Variants in NEDD1 observed in about 807,000 individuals in gnomAD.
NEDD1 encodes the protein NEDD1 gamma-tubulin ring complex targeting factor.
In NEDD1, 33 loss-of-function variants were observed where a neutral mutation model predicts 74.0. The ratio of observed to expected loss-of-function variants is 0.45; its 90% CI spans 0.34 to 0.60. NEDD1 has a LOEUF of 0.60. Among genes scored for constraint, NEDD1 ranks in the 20% least tolerant of loss-of-function variants. NEDD1 has a pLI of 0.01. For missense variants in NEDD1, 746 were observed against 776.5 expected, an observed-to-expected ratio of 0.96 and a Z score of 0.47; for synonymous variants, 250 against 264.4, an observed-to-expected ratio of 0.95 and a Z score of 0.53.
chr12:96,943,564 T>C lies in NEDD1; in HGVS notation c.1299T>C (p.Phe433=). ...TGCAGTTTTTCCCTTTTCCAGGCTT[T>C]GACTTTCTACCGCAGTTGAACTCAG... The part of the protein sequence containing the change: ...SDESIGKGDG[F]DFLPQLNSVF... Residue 433 remains phenylalanine (F), a synonymous_variant, in exon 12 of 16, where the codon TTT becomes TTC. Coordinates refer to ENST00000266742, the MANE Select transcript of NEDD1 (RefSeq NM_152905.4). 1 of 1,612,086 alleles carries C rather than the reference T, an allele frequency of 6.2e-7. No homozygotes were observed. Among genetic ancestry groups the C allele is most frequent in the East Asian group, 2.2e-5 (1 of 44,844 alleles).
At chr12:96,942,463 T>C in intron 10 of NEDD1, 114 bp from the exon 11 acceptor site, 1 of 669,498 alleles carries the variant, frequency 1.5e-6, no homozygotes, top group East Asian at 2.5e-5. Flanking sequence ...ATCACTCATA[T>C]TTAGCTTTTT....
At chr12:96,926,647 GT>G (rs768651469) in intron 6 of NEDD1, among the ~76,000 whole-genome samples, 10 of 149,742 alleles carry the variant, frequency 6.7e-5, no homozygotes, top group Non-Finnish European at 1.5e-4. Flanking sequence ...CTTAATGAAT[GT>G]TTATTAATTA....
rs1592920699 is a variant in NEDD1, at chr12:96,940,417, C to T, written c.1126C>T (p.Arg376Ter). The part of the protein sequence containing the change: ...VAVQEKAGLP[R>*]SINTDTLSKE... ...TATCTAATTCCTATAAGGTTTGCCT[C>T]GAAGCATAAACACAGACACTTTATC... The change falls in exon 10 of 16, where the codon CGA (arginine) becomes TGA (stop). Residue 376 changes from arginine to a stop codon, truncating the protein, a stop_gained. Coordinates refer to ENST00000266742, the MANE Select transcript of NEDD1 (RefSeq NM_152905.4). LOFTEE classifies it high-confidence loss of function. 4 of 1,585,898 alleles carry T rather than the reference C, an allele frequency of 2.5e-6. No individual in the cohort carries two copies. The highest frequency in any genetic ancestry group is 1.1e-5 in the South Asian group (1 of 88,726).
At chr12:96,910,991 A>C (rs1294128704) in intron 3 of NEDD1, among the ~76,000 whole-genome samples, 3 of 152,230 alleles carry the variant, frequency 2.0e-5, no homozygotes, top group Non-Finnish European at 4.4e-5. Flanking sequence ...TATAACAAGA[A>C]GGACAAATTT....
At chr12:96,944,100 C>T (rs192107702) in intron 12 of NEDD1, among the ~76,000 whole-genome samples, 2 of 151,994 alleles carry the variant, frequency 1.3e-5, no homozygotes, top group East Asian at 3.9e-4. Flanking sequence ...ACTGATGGTG[C>T]TGAGAATGGA....
chr12:96,924,088 T>C (rs1875422849), intron 6 of NEDD1, among the ~76,000 whole-genome samples: 1 of 152,308 alleles, frequency 6.6e-6, no homozygotes, highest in Admixed American at 6.5e-5. Flanking sequence ...GAGGGTCCTA[T>C]AGATATCTAA....
chr12:96,935,781 T>C (rs1284435505), intron 7 of NEDD1, among the ~76,000 whole-genome samples: 1 of 152,166 alleles, frequency 6.6e-6, no homozygotes, highest in Non-Finnish European at 1.5e-5. Context: ...TTGGGCCCAC[T>C]GTACCCTCTT....
At chr12:96,917,595 T>A in intron 4 of NEDD1, 26 bp from the exon 5 acceptor site, 1 of 1,462,594 alleles carries the variant, frequency 6.8e-7, no homozygotes, top group Non-Finnish European at 8.9e-7. Context: ...TAAATTAAGG[T>A]AACTTTTTTT....
chr12:96,917,969 T>C (rs537351378), intron 5 of NEDD1, among the ~76,000 whole-genome samples: 1 of 152,246 alleles, frequency 6.6e-6, no homozygotes, highest in South Asian at 2.1e-4. Context: ...TTTTTTCTTG[T>C]TTTTTATTTA....
intron 6 of NEDD1, among the ~76,000 whole-genome samples, chr12:96,927,349 G>C (rs1875825832): frequency 6.6e-6 from 1 of 152,198 alleles, no homozygotes; most frequent in African/African-American, 2.4e-5. Flanking sequence ...TGAAATGTCT[G>C]AGCTGAATTA....
intron 9 of NEDD1, among the ~76,000 whole-genome samples, chr12:96,939,738 A>G (rs1877479304): frequency 6.6e-6 from 1 of 152,008 alleles, no homozygotes. Flanking sequence ...GTGTTTATAC[A>G]CTGCCAGAAA....
In NEDD1 at chr12:96,920,014, A is replaced by T; in HGVS notation, c.378A>T (p.Thr126=). The change falls in exon 6 of 16, where the codon ACA becomes ACT. Residue 126 remains threonine (T), a synonymous_variant. Coordinates refer to ENST00000266742, the MANE Select transcript of NEDD1 (RefSeq NM_152905.4). ...ATAAAGATCAAGTAACTTGTGTAAC[A>T]TACAATTGGAATGATTGCTACATTG... The part of the protein sequence containing the change: ...KDHKDQVTCV[T]YNWNDCYIAS... 6.2e-7 allele frequency: 1 copy of T among 1,606,926 alleles called. No homozygotes were observed. The highest frequency in any genetic ancestry group is 8.5e-7 in the Non-Finnish European group (1 of 1,174,114).
chr12:96,942,557 G>T lies in NEDD1; in HGVS notation c.1247-20G>T. On this transcript the variant is annotated intron_variant, in intron 10 of 15. Transcript: ENST00000266742. Reference sequence around the variant, plus strand: ...TTCTTTTTCACTAGTTTTAAAATTTGATTTTCTAATTTGTTATAGATGCTG... The same window carrying T: ...TTCTTTTTCACTAGTTTTAAAATTTTATTTTCTAATTTGTTATAGATGCTG... The T allele has an allele frequency of 2.2e-6, 3 of 1,341,058 alleles. No individual in the cohort carries two copies. The South Asian group carries it at 3.7e-5, about 16-fold the overall frequency. 83.1% of individuals were successfully genotyped at this position (1,341,058 alleles called of 1,614,324 possible).
At position 96,932,463 on chromosome 12, in the gene NEDD1, A is replaced by AAAAAAAAAAAAAAAATATATATAT; in HGVS notation, c.490-2512_490-2511insAAAAAAAAAAAAAATATATATATA. On this transcript the variant is annotated intron_variant, in intron 6 of 15. Transcript: ENST00000266742. ...CTCTTAAAAAAAAAAAAAAAAAAAA[A>AAAAAAAAAAAAAAAATATATATAT]ATATATATATATATATATATATATA... Among the ~76,000 whole-genome samples the AAAAAAAAAAAAAAAATATATATAT allele has an allele frequency of 2.1e-4, 2 of 9,438 alleles. 1 individual carries two copies. Among genetic ancestry groups the AAAAAAAAAAAAAAAATATATATAT allele is most frequent in the African/African-American group, 6.7e-4 (2 of 2,970 alleles). 6.2% of individuals were successfully genotyped at this position (9,438 alleles called of 152,430 possible).
At chr12:96,951,616 G>T (rs1878710777) in intron 15 of NEDD1, 118 bp downstream of exon 15, 1 of 582,046 alleles carries the variant, frequency 1.7e-6, no homozygotes, top group Non-Finnish European at 3.0e-6. Flanking sequence ...AGATAAATAG[G>T]GAGTTTTATA....
At chr12:96,912,893 TG>T (rs1314088014) in intron 4 of NEDD1, 76 bp downstream of exon 4, 1 of 710,112 alleles carries the variant, frequency 1.4e-6, no homozygotes, top group Non-Finnish European at 2.5e-6. Flanking sequence ...TTGTGGTGCT[TG>T]CGACTAAATA....
At position 96,952,242 on chromosome 12, in the gene NEDD1, G is replaced by A; in HGVS notation, c.*189G>A. Reference sequence around the variant, plus strand: ...TATGTATATTTTTATATTAAAAATTGTACAGTATGTCATCTACCCAATAGG... The same window carrying A: ...TATGTATATTTTTATATTAAAAATTATACAGTATGTCATCTACCCAATAGG... On this transcript the variant is annotated 3_prime_UTR_variant, in exon 16 of 16. Coordinates refer to ENST00000266742, the MANE Select transcript of NEDD1 (RefSeq NM_152905.4). 2.3e-6 allele frequency: 1 copy of A among 437,664 alleles called. No individual in the cohort carries two copies. The highest frequency in any genetic ancestry group is 4.0e-6 in the Non-Finnish European group (1 of 249,440). The allele number at this position is 437,664 out of a possible 1,614,324, so 27.1% of individuals were successfully genotyped here. A position where few individuals can be genotyped will look rare whatever the true frequency, so the allele number is the denominator to read the frequency against.
At chr12:96,907,911 A>G in intron 2 of NEDD1, 55 bp downstream of exon 2, 1 of 1,289,362 alleles carries the variant, frequency 7.8e-7, no homozygotes. Context: ...GAAAACAAAC[A>G]TTAAATCACC....
chr12:96,919,875 A>G (rs1017951268), intron 5 of NEDD1, 110 bp from the exon 6 acceptor site: 1 of 666,546 alleles, frequency 1.5e-6, no homozygotes, highest in African/African-American at 1.9e-5. Flanking sequence ...GAAAATGTTA[A>G]AGCAAATATT....
Sources: allele counts gnomAD v4.1 joint callset (sites outside exome capture counted in the v4.1 genomes callset), GRCh38; gene constraint gnomAD v4.1.1; transcripts MANE v1.5; gene names NCBI Gene and HGNC (gene_info 2026-07-23, HGNC 2026-07-21).